Variants in BTG4 observed in about 807,000 individuals in gnomAD.
BTG4 encodes BTG anti-proliferation factor 4.
A neutral mutation model predicts 19.3 loss-of-function variants in BTG4; 10 were observed. That is an observed-to-expected ratio of 0.52 (90% CI 0.32 to 0.88). The LOEUF is 0.88. BTG4 is among the 40% of genes least tolerant of loss of function. The pLI, the probability that BTG4 is intolerant of heterozygous loss-of-function variation, is 0.04. For missense variants in BTG4, 238 were observed against 281.9 expected, an observed-to-expected ratio of 0.84 and a Z score of 1.11; for synonymous variants, 91 against 95.7, an observed-to-expected ratio of 0.95 and a Z score of 0.29.
At chr11:111,404,816 C>G in the BTG4 span, 1 of 364,930 alleles carries the variant, frequency 2.7e-6, no homozygotes, top group Non-Finnish European at 5.4e-6. Context: ...CAATTAGCAG[C>G]ATGTTCCCTT....
chr11:111,387,098 C>T, the BTG4 span, among the ~76,000 whole-genome samples: 19 of 152,298 alleles, frequency 1.2e-4, no homozygotes, highest in East Asian at 1.9e-3. Context: ...TTTCTACATA[C>T]GCTAATTTTA....
chr11:111,436,772 C>T, the BTG4 span, among the ~76,000 whole-genome samples: 1 of 152,234 alleles, frequency 6.6e-6, no homozygotes, highest in Non-Finnish European at 1.5e-5. Context: ...GGTGCCCCTT[C>T]ACCTTCCCGC....
chr11:111,402,075 G>T, the BTG4 span, among the ~76,000 whole-genome samples: 1 of 152,196 alleles, frequency 6.6e-6, no homozygotes, highest in Non-Finnish European at 1.5e-5. Context: ...GGAGGGACCT[G>T]ATGGGAAGTA....
the BTG4 span, among the ~76,000 whole-genome samples, chr11:111,428,838 G>A: frequency 6.6e-6 from 1 of 152,130 alleles, no homozygotes; most frequent in Non-Finnish European, 1.5e-5. Context: ...CCTCAGGTTC[G>A]TGGTAACCAG....
chr11:111,422,016 A>G, the BTG4 span, among the ~76,000 whole-genome samples: 1 of 152,208 alleles, frequency 6.6e-6, no homozygotes, highest in South Asian at 2.1e-4. Context: ...GCTGGAGAGC[A>G]AGTCAACCTC....
chr11:111,452,805 G>A, the BTG4 span, among the ~76,000 whole-genome samples: 1 of 152,240 alleles, frequency 6.6e-6, no homozygotes, highest in Admixed American at 6.5e-5. Flanking sequence ...GGAGTTGACT[G>A]TTCTCCCTGG....
chr11:111,436,648 C>A, the BTG4 span, among the ~76,000 whole-genome samples: 41 of 108,552 alleles, frequency 3.8e-4, no homozygotes, highest in Admixed American at 1.9e-3. Flanking sequence ...AAAAAAAAAA[C>A]AAAAGAAGGG....
chr11:111,429,590 T>C, the BTG4 span, among the ~76,000 whole-genome samples: 5 of 152,178 alleles, frequency 3.3e-5, no homozygotes, highest in African/African-American at 9.7e-5. Context: ...CTAAAACTAA[T>C]AGGAAAAGGG....
At chr11:111,433,479 A>G in the BTG4 span, among the ~76,000 whole-genome samples, 1 of 152,238 alleles carries the variant, frequency 6.6e-6, no homozygotes, top group Non-Finnish European at 1.5e-5. Flanking sequence ...AACACCATTC[A>G]GGACATAGGC....
chr11:111,394,853 T>C, the BTG4 span, among the ~76,000 whole-genome samples: 1 of 152,226 alleles, frequency 6.6e-6, no homozygotes, highest in Non-Finnish European at 1.5e-5. Flanking sequence ...CTTTGTTGGC[T>C]TAATAGTCTC....
the BTG4 span, among the ~76,000 whole-genome samples, chr11:111,458,755 C>T: frequency 6.6e-6 from 1 of 152,062 alleles, no homozygotes; most frequent in South Asian, 2.1e-4. Context: ...GTGGCATCTT[C>T]CTGGAGTTAA....
the BTG4 span, among the ~76,000 whole-genome samples, chr11:111,413,543 T>C: frequency 1.3e-5 from 2 of 152,238 alleles, no homozygotes; most frequent in Non-Finnish European, 2.9e-5. Flanking sequence ...TTTGTACTCA[T>C]TTTACAGATG....
At chr11:111,496,424 A>G (rs1048252758) in intron 4 of BTG4, 1 of 152,216 alleles carries the variant, frequency 6.6e-6, no homozygotes, top group African/African-American at 2.4e-5. Flanking sequence ...AGGCATCACT[A>G]TACGAGTTAC....
intron 1 of BTG4, among the ~76,000 whole-genome samples, chr11:111,499,756 G>A (rs546750971): frequency 6.6e-6 from 1 of 152,324 alleles, no homozygotes; most frequent in Non-Finnish European, 1.5e-5. Context: ...TGTAGGATAA[G>A]TGGAAGAGAT....
chr11:111,404,891 T>C, the BTG4 span, among the ~76,000 whole-genome samples: 16 of 152,246 alleles, frequency 1.1e-4, no homozygotes, highest in African/African-American at 2.7e-4. Context: ...CTTCATGTTA[T>C]CTTGTTATCT....
chr11:111,438,012 C>A, the BTG4 span, among the ~76,000 whole-genome samples: 1 of 152,196 alleles, frequency 6.6e-6, no homozygotes, highest in Non-Finnish European at 1.5e-5. Flanking sequence ...CTATACTAGA[C>A]AACATTCTAC....
downstream of BTG4, among the ~76,000 whole-genome samples, chr11:111,493,679 C>T (rs1024699892): frequency 1.3e-5 from 2 of 152,084 alleles, no homozygotes; most frequent in Non-Finnish European, 2.9e-5. Context: ...ACAACAACTC[C>T]CACACTATAG....
At chr11:111,408,172 T>TG in the BTG4 span, among the ~76,000 whole-genome samples, 3 of 152,216 alleles carry the variant, frequency 2.0e-5, no homozygotes, top group African/African-American at 7.2e-5. Flanking sequence ...GAGATGGTTG[T>TG]GCTGAGTCAC....
chr11:111,445,721 TC>T, the BTG4 span, among the ~76,000 whole-genome samples: 1 of 152,216 alleles, frequency 6.6e-6, no homozygotes, highest in African/African-American at 2.4e-5. Context: ...GGTTTGCCAT[TC>T]CTAGAAATCC....
Sources: allele counts gnomAD v4.1 joint callset (sites outside exome capture counted in the v4.1 genomes callset), GRCh38; gene constraint gnomAD v4.1.1; transcripts MANE v1.5; gene names NCBI Gene and HGNC (gene_info 2026-07-23, HGNC 2026-07-21).